FAM234A: variants seen among roughly 807,000 people sequenced by gnomAD.
FAM234A encodes protein FAM234A.
FAM234A carries 42 observed loss-of-function variants against 49.1 expected under a neutral mutation model. The ratio of observed to expected loss-of-function variants is 0.86; its 90% CI spans 0.67 to 1.11. FAM234A has a LOEUF of 1.11. Among genes scored for constraint, FAM234A ranks in the 50% least tolerant of loss-of-function variants. The pLI is 0.00. For missense variants in FAM234A, 815 were observed against 745.2 expected, an observed-to-expected ratio of 1.09 and a Z score of -1.09; for synonymous variants, 369 against 316.2, an observed-to-expected ratio of 1.17 and a Z score of -1.77.
intron 3 of FAM234A, among the ~76,000 whole-genome samples, chr16:258,775 C>T (rs907475786): frequency 5.3e-5 from 8 of 152,272 alleles, no homozygotes; most frequent in Admixed American, 3.9e-4. Flanking sequence ...CAGCTGGGCC[C>T]GGCCTATTTT....
At chr16:266,435 G>T (rs998735575), downstream of FAM234A, among the ~76,000 whole-genome samples, 1 of 152,204 alleles carries the variant, frequency 6.6e-6, no homozygotes, top group African/African-American at 2.4e-5. Context: ...GGAGTCCAGC[G>T]TGAAGGGATG....
chr16:266,702 G>T (rs1284088810), downstream of FAM234A, among the ~76,000 whole-genome samples: 1 of 152,222 alleles, frequency 6.6e-6, no homozygotes, highest in South Asian at 2.1e-4. Flanking sequence ...ACAGGTGGGT[G>T]CCCTCGTGCC....
downstream of FAM234A, among the ~76,000 whole-genome samples, chr16:266,453 G>T (rs1258797596): frequency 2.0e-5 from 3 of 152,182 alleles, no homozygotes; most frequent in East Asian, 5.8e-4. Context: ...ATGATGGTAG[G>T]GCCGGGGTGA....
rs2141344268 is a variant in FAM234A at position 261,320 on chromosome 16, AGTTG to A, written c.578-63_578-60del. On this transcript the variant is annotated intron_variant, in intron 5 of 12. Coordinates refer to ENST00000399932, the MANE Select transcript of FAM234A (RefSeq NM_032039.4). ...GGAGCCTGCCTGTCACAGGCCTTGC[AGTTG>A]CCGGGCTGCTGTTGAAGGGGACTCA... 8.9e-6 allele frequency: 14 copies of A among 1,567,820 alleles called. 1 individual carries two copies. In the African/African-American group the frequency reaches 1.6e-4, roughly 18 times the overall value.
At chr16:267,140 GGCCAT>G (rs375387919), downstream of FAM234A, among the ~76,000 whole-genome samples, 1,524 of 152,232 alleles carry the variant, frequency 0.01, 11 homozygotes, top group African/African-American at 0.028. Flanking sequence ...AGAGAGTCTG[GGCCAT>G]GCCATGCCAT....
chr16:262,608 T>A (rs2051514453), intron 8 of FAM234A, 55 bp downstream of exon 8: 3 of 1,490,482 alleles, frequency 2.0e-6, no homozygotes, highest in Non-Finnish European at 2.7e-6. Flanking sequence ...ATGGCTCTGC[T>A]CGCCTGCCTC....
At chr16:261,304 C>G (rs1327097223) in intron 5 of FAM234A, 80 bp from the exon 6 acceptor site, 3 of 1,525,544 alleles carry the variant, frequency 2.0e-6, no homozygotes, top group Non-Finnish European at 2.7e-6. Flanking sequence ...AGGAGCCTGC[C>G]TGTCACAGGC....
chr16:260,210 C>A, intron 5 of FAM234A, 50 bp downstream of exon 5: 1 of 1,551,392 alleles, frequency 6.4e-7, no homozygotes, highest in South Asian at 1.1e-5. Flanking sequence ...TCACCTGAGC[C>A]ACCTCACCCT....
chr16:237,199 C>T (rs1218061053), intron 1 of FAM234A, among the ~76,000 whole-genome samples: 1 of 152,108 alleles, frequency 6.6e-6, no homozygotes, highest in Non-Finnish European at 1.5e-5. Flanking sequence ...AGCCACCATG[C>T]CCACCCCTTC....
downstream of FAM234A, among the ~76,000 whole-genome samples, chr16:268,141 C>T (rs1383726979): frequency 7.0e-6 from 1 of 142,744 alleles, no homozygotes; most frequent in Non-Finnish European, 1.5e-5. Flanking sequence ...ACACACACAC[C>T]ACATATGCAT....
intron 2 of FAM234A, among the ~76,000 whole-genome samples, chr16:251,881 T>C (rs1359322164): frequency 6.7e-6 from 1 of 150,330 alleles, no homozygotes; most frequent in Non-Finnish European, 1.5e-5. Context: ...CGGACGCCCA[T>C]AGTCCCAGCT....
chr16:241,867 C>G (rs2050629146), intron 1 of FAM234A, among the ~76,000 whole-genome samples: 1 of 147,466 alleles, frequency 6.8e-6, no homozygotes, highest in Admixed American at 6.9e-5. Flanking sequence ...GATTGCACCA[C>G]TGCACTCCAG....
downstream of FAM234A, chr16:268,926 G>T (rs929390598): frequency 6.4e-7 from 1 of 1,550,558 alleles, no homozygotes; most frequent in Admixed American, 2.0e-5. Flanking sequence ...TGGTTTTAGA[G>T]ATGGGGATGG....
intron 1 of FAM234A, among the ~76,000 whole-genome samples, chr16:240,825 G>C (rs1297592600): frequency 6.6e-6 from 1 of 151,994 alleles, no homozygotes; most frequent in East Asian, 1.9e-4. Flanking sequence ...TTAATCCATT[G>C]ACAAAATCTT....
Position 254,668 on chromosome 16 carries a change from C to T in FAM234A, c.255C>T (p.Asp85=), listed in dbSNP as rs1485434043. 6.2e-7 allele frequency: 1 copy of T among 1,613,544 alleles called. No individual in the cohort carries two copies. The highest frequency in any genetic ancestry group is 8.5e-7 in the Non-Finnish European group (1 of 1,179,878). ...CGTCACAGCGAATGTGGAGGATAGA[C>T]TACAGTGCCGCTGGTGAGCCTCGGC... ...RPASQRMWRI[D]YSAAVIYDFL... Residue 85 remains aspartate (D), a synonymous_variant, in exon 3 of 13, where the codon GAC becomes GAT. Transcript: ENST00000399932.
chr16:263,715 C>T lies in FAM234A; in HGVS notation c.1128C>T (p.Gly376=), dbSNP rs1455756565. ...AAHVLRKPIF[G]RYKPDTLAVA... ...ATTGTTCCAGAAAACCCATCTTCGG[C>T]CGCTACAAACCAGACACCTTGGCTG... Residue 376 remains glycine, a synonymous_variant, in exon 10 of 13, where the codon GGC becomes GGT. Coordinates refer to ENST00000399932, the MANE Select transcript of FAM234A (RefSeq NM_032039.4). 6.2e-7 allele frequency: 1 copy of T among 1,613,774 alleles called. No homozygotes were observed. The highest frequency in any genetic ancestry group is 1.3e-5 in the African/African-American group (1 of 74,934).
At position 261,235 on chromosome 16, in the gene FAM234A, T is replaced by G. The variant is rs116360093; in HGVS notation, c.578-149T>G. 2,067 of 869,270 alleles carry G rather than the reference T, an allele frequency of 2.4e-3. 28 individuals are homozygous for G. The African/African-American group carries it at 0.032, about 13-fold the overall frequency. 53.8% of individuals were successfully genotyped at this position (869,270 alleles called of 1,614,324 possible). Reference sequence around the variant, plus strand: ...GCACAGGAGTGCCGCCCTCCCCTCCTGTTGGCATCTGCTCTGAGTGTGCAG... The same window carrying G: ...GCACAGGAGTGCCGCCCTCCCCTCCGGTTGGCATCTGCTCTGAGTGTGCAG... On this transcript the variant is annotated intron_variant, in intron 5 of 12. Coordinates refer to ENST00000399932, the MANE Select transcript of FAM234A (RefSeq NM_032039.4).
chr16:264,731 G>A lies in FAM234A; in HGVS notation c.1447+15G>A, dbSNP rs759091952. On this transcript the variant is annotated intron_variant, in intron 12 of 12. Coordinates refer to ENST00000399932, the MANE Select transcript of FAM234A (RefSeq NM_032039.4). ...CGCCTTTGACGGTGAGTGTGGCCTC[G>A]GCCAGGGACCCGGGTGTTCCGCGGG... 25 of 1,609,380 alleles carry A rather than the reference G, an allele frequency of 1.6e-5. No homozygotes were observed. Among genetic ancestry groups the A allele is most frequent in the East Asian group, 2.2e-5 (1 of 44,872 alleles).
chr16:256,724 C>G (rs1008275109), intron 3 of FAM234A, among the ~76,000 whole-genome samples: 2 of 149,236 alleles, frequency 1.3e-5, no homozygotes, highest in East Asian at 3.9e-4. Context: ...CAGGCACAGG[C>G]TACCATGCCT....
Sources: allele counts gnomAD v4.1 joint callset (sites outside exome capture counted in the v4.1 genomes callset), GRCh38; gene constraint gnomAD v4.1.1; transcripts MANE v1.5; gene names NCBI Gene and HGNC (gene_info 2026-07-23, HGNC 2026-07-21).